The following RBFOX1 variants were observed in gnomAD, a reference collection of about 807,000 sequenced individuals.
The protein encoded by RBFOX1 is RNA binding protein fox-1 homolog 1.
In RBFOX1, 8 loss-of-function variants were observed where a neutral mutation model predicts 57.7. That is an observed-to-expected ratio of 0.14 (90% CI 0.08 to 0.25). The LOEUF (loss-of-function observed/expected upper bound fraction) is 0.25. Among genes scored for constraint, RBFOX1 ranks in the 10% least tolerant of loss-of-function variants. The pLI is 1.00. For synonymous variants in RBFOX1, 326 were observed against 222.4 expected (o/e 1.47, Z -4.15); for missense variants, 611 against 548.5 (o/e 1.11, Z -1.14).
intron 4 of RBFOX1, among the ~76,000 whole-genome samples, chr16:7,515,416 G>T (rs577848918): frequency 6.6e-5 from 10 of 151,868 alleles, no homozygotes; most frequent in Admixed American, 2.0e-4. Context: ...TAAAAATACT[G>T]TATTATATAC....
At position 5,951,079 on chromosome 16, in the gene RBFOX1, C is replaced by T. The variant is rs562078283; in HGVS notation, c.351+83744C>T. Among the ~76,000 whole-genome samples, 6 of 152,118 alleles carry T rather than the reference C, an allele frequency of 3.9e-5. No individual in the cohort carries two copies. The South Asian group carries it at 1.0e-3, about 26-fold the overall frequency. On this transcript the variant is annotated intron_variant, in intron 4 of 19. Transcript: ENST00000641259. ...CACCTGTGCTGCTTATCAGAGGTGG[C>T]GATTTGGGGGCCTCACAGAGACCTA...
chr16:6,603,131 G>A (rs2345608), intron 2 of RBFOX1, among the ~76,000 whole-genome samples: 65,017 of 152,066 alleles, frequency 0.43, 14,526 homozygotes, highest in East Asian at 0.65. Flanking sequence ...TAGCTGAATT[G>A]TTCTTTACAG....
At chr16:5,979,297 A>G (rs1040687471) in intron 4 of RBFOX1, among the ~76,000 whole-genome samples, 1 of 152,168 alleles carries the variant, frequency 6.6e-6, no homozygotes, top group African/African-American at 2.4e-5. Flanking sequence ...CAGTGATGTG[A>G]AATGTATGTT....
chr16:7,065,941 C>A (rs1337554238), intron 4 of RBFOX1, among the ~76,000 whole-genome samples: 1 of 152,046 alleles, frequency 6.6e-6, no homozygotes, highest in African/African-American at 2.4e-5. Context: ...ATGTGTTTTT[C>A]CCCCACAGTA....
At chr16:5,556,010 G>C (rs1316581055) in intron 2 of RBFOX1, among the ~76,000 whole-genome samples, 1 of 151,210 alleles carries the variant, frequency 6.6e-6, no homozygotes, top group East Asian at 1.9e-4. Context: ...AAGAGAGTGA[G>C]ACTCTGTCTC....
chr16:5,348,779 A>G (rs1332006368), intron 1 of RBFOX1, among the ~76,000 whole-genome samples: 1 of 152,228 alleles, frequency 6.6e-6, no homozygotes, highest in Non-Finnish European at 1.5e-5. Context: ...CTGATGCTGT[A>G]TTGAAAACCT....
Position 5,388,183 on chromosome 16 carries a change from T to G in RBFOX1, c.220-79033T>G, listed in dbSNP as rs1484340390. 2.0e-5 allele frequency among the ~76,000 whole-genome samples: 3 copies of G among 152,186 alleles called. No individual in the cohort carries two copies. In the East Asian group the frequency reaches 5.8e-4, roughly 29 times the overall value. On this transcript the variant is annotated intron_variant, in intron 1 of 2. Transcript: ENST00000585867. ...TAAGCCACTAATTTGCATGAATTTG[T>G]GACAGCAGTAGCAGGAAACCAGCAC...
intron 2 of RBFOX1, among the ~76,000 whole-genome samples, chr16:6,416,020 T>C (rs1235980722): frequency 6.6e-6 from 1 of 152,228 alleles, no homozygotes; most frequent in Non-Finnish European, 1.5e-5. Flanking sequence ...CTGTTGCTGC[T>C]GTTTCTGAGA....
chr16:6,832,120 T>C (rs550782123), intron 3 of RBFOX1, among the ~76,000 whole-genome samples: 1 of 152,352 alleles, frequency 6.6e-6, no homozygotes, highest in South Asian at 2.1e-4. Flanking sequence ...GATAAAACTT[T>C]TTCCTGATAT....
intron 4 of RBFOX1, among the ~76,000 whole-genome samples, chr16:7,473,170 G>A (rs1364900655): frequency 6.6e-6 from 1 of 152,058 alleles, no homozygotes; most frequent in Non-Finnish European, 1.5e-5. Flanking sequence ...TTTAAGCCCA[G>A]GAGTTTGAGA....
intron 1 of RBFOX1, among the ~76,000 whole-genome samples, chr16:6,170,687 T>C (rs2096953703): frequency 6.6e-6 from 1 of 152,182 alleles, no homozygotes; most frequent in Non-Finnish European, 1.5e-5. Context: ...AATTATTTCA[T>C]CACCCAAGTA....
intron 4 of RBFOX1, among the ~76,000 whole-genome samples, chr16:7,222,045 G>A (rs1164912058): frequency 6.6e-6 from 1 of 152,226 alleles, no homozygotes; most frequent in East Asian, 1.9e-4. Flanking sequence ...AAATTTTTCC[G>A]TGAAGACACA....
chr16:6,200,970 C>T (rs12599152), intron 1 of RBFOX1, among the ~76,000 whole-genome samples: 35,186 of 150,028 alleles, frequency 0.23, 5,079 homozygotes, highest in Admixed American at 0.34. Context: ...TAAGTGAAAT[C>T]GAGCATGAGC....
At chr16:6,026,530 A>C (rs1730231572) in intron 1 of RBFOX1, among the ~76,000 whole-genome samples, 2 of 152,216 alleles carry the variant, frequency 1.3e-5, no homozygotes, top group Non-Finnish European at 2.9e-5. Flanking sequence ...TGCCTTTGCA[A>C]GATACAAGGG....
At chr16:6,105,930 C>G (rs2096372916) in intron 1 of RBFOX1, among the ~76,000 whole-genome samples, 1 of 151,972 alleles carries the variant, frequency 6.6e-6, no homozygotes, top group Non-Finnish European at 1.5e-5. Context: ...GTCATAGTAA[C>G]CCAACATTTT....
chr16:6,610,940 A>G (rs115866961), intron 2 of RBFOX1, among the ~76,000 whole-genome samples: 1,964 of 152,316 alleles, frequency 0.013, 59 homozygotes, highest in African/African-American at 0.044. Context: ...TAAAATGTGG[A>G]AGATCATAAT....
chr16:5,859,539 C>G (rs1054154128), intron 3 of RBFOX1, among the ~76,000 whole-genome samples: 1 of 152,116 alleles, frequency 6.6e-6, no homozygotes, highest in Admixed American at 6.5e-5. Flanking sequence ...AGCTGGAGAT[C>G]AAGTTGAAGG....
chr16:5,460,219 C>T (rs554985394), intron 1 of RBFOX1, among the ~76,000 whole-genome samples: 1 of 152,316 alleles, frequency 6.6e-6, no homozygotes, highest in African/African-American at 2.4e-5. Flanking sequence ...CAGAATCAGA[C>T]AGAGAAGGTT....
At chr16:7,086,740 A>AGACACACACACACACACACACG (rs71147649) in intron 4 of RBFOX1, among the ~76,000 whole-genome samples, 2 of 151,986 alleles carry the variant, frequency 1.3e-5, no homozygotes, top group African/African-American at 4.8e-5. Flanking sequence ...ACACACACAC[A>AGACACACACACACACACACACG]CTTTAAAATT....
Sources: allele counts gnomAD v4.1 joint callset (sites outside exome capture counted in the v4.1 genomes callset), GRCh38; gene constraint gnomAD v4.1.1; transcripts MANE v1.5; gene names NCBI Gene and HGNC (gene_info 2026-07-23, HGNC 2026-07-21).